Variants in ERBB4 observed in about 807,000 individuals in gnomAD.
ERBB4 encodes the protein receptor tyrosine-protein kinase erbB-4.
Under a neutral mutation model 158.0 loss-of-function variants are expected in ERBB4, and 42 were observed. The observed-to-expected ratio is 0.27, with a 90% confidence interval of 0.21 to 0.34. ERBB4 has a LOEUF of 0.34. ERBB4 is among the 10% of genes least tolerant of loss of function. ERBB4 has a pLI of 1.00. For synonymous variants in ERBB4, 583 were observed against 558.7 expected (o/e 1.04, Z -0.61); for missense variants, 1,333 against 1,624.1 (o/e 0.82, Z 3.08).
At position 211,725,142 on chromosome 2, in the gene ERBB4, G is replaced by A. The variant is rs375082554; in HGVS notation, c.675C>T (p.Tyr225=). 2.4e-5 allele frequency: 38 copies of A among 1,614,054 alleles called. No individual in the cohort carries two copies. Among genetic ancestry groups the A allele is most frequent in the African/African-American group, 1.9e-4 (14 of 75,004 alleles). ...EQCDGRCYGP[Y]VSDCCHRECA... ...ATTCTCGATGGCAGCAGTCACTGAC[G>A]TAAGGTCCGTAGCATCTGCCGTCAC... Residue 225 remains tyrosine, a synonymous_variant, in exon 6 of 28, where the codon TAC becomes TAT. Coordinates refer to ENST00000342788, the MANE Select transcript of ERBB4 (RefSeq NM_005235.3).
intron 2 of ERBB4, chr2:211,960,464 G>C (rs1412214342): frequency 6.6e-6 from 1 of 152,070 alleles, no homozygotes; most frequent in Non-Finnish European, 1.5e-5. Context: ...GTATGTAAAA[G>C]AAAATAAGCA....
At chr2:211,521,496 G>A (rs1259281181) in intron 20 of ERBB4, among the ~76,000 whole-genome samples, 1 of 152,164 alleles carries the variant, frequency 6.6e-6, no homozygotes, top group South Asian at 2.1e-4. Flanking sequence ...ACATAAAAGT[G>A]CATGTGAAGC....
intron 17 of ERBB4, among the ~76,000 whole-genome samples, chr2:211,629,269 C>T (rs1048486674): frequency 7.9e-5 from 12 of 151,980 alleles, no homozygotes; most frequent in African/African-American, 2.9e-4. Context: ...AACAGAGAGC[C>T]AAATCATGAG....
chr2:211,541,307 T>C (rs7592933), intron 20 of ERBB4, among the ~76,000 whole-genome samples: 103,349 of 151,750 alleles, frequency 0.68, 35,604 homozygotes, highest in East Asian at 0.83. Context: ...AAGAAGAAAT[T>C]GAGCTACTTT....
chr2:211,920,398 T>A (rs1484510177), intron 3 of ERBB4, among the ~76,000 whole-genome samples: 1 of 152,000 alleles, frequency 6.6e-6, no homozygotes, highest in East Asian at 1.9e-4. Context: ...ACATGATAGA[T>A]CTCAGAGGTG....
In ERBB4 at chr2:212,447,728, C is replaced by T. The variant is rs115876680; in HGVS notation, c.82+90721G>A. Among the ~76,000 whole-genome samples, 91 of 151,974 alleles carry T rather than the reference C, an allele frequency of 6.0e-4. 1 individual carries two copies. The highest frequency in any genetic ancestry group is 1.1e-3 in the Non-Finnish European group (73 of 67,942). On this transcript the variant is annotated intron_variant, in intron 1 of 27. Coordinates refer to ENST00000342788, the MANE Select transcript of ERBB4 (RefSeq NM_005235.3). ...GGCCAATATAAGTATAAAGCTAATT[C>T]TCTGTCACTTACATAGTACACTAAA...
At chr2:211,987,224 G>A (rs1270253211) in intron 2 of ERBB4, among the ~76,000 whole-genome samples, 1 of 150,622 alleles carries the variant, frequency 6.6e-6, no homozygotes, top group African/African-American at 2.4e-5. Context: ...GGGAGGCTGA[G>A]GCAGGAGAAT....
At chr2:212,405,448 C>T (rs1393033446) in intron 1 of ERBB4, among the ~76,000 whole-genome samples, 2 of 151,990 alleles carry the variant, frequency 1.3e-5, no homozygotes, top group Non-Finnish European at 2.9e-5. Context: ...GAACTAAAGG[C>T]AGAACTACCA....
intron 20 of ERBB4, among the ~76,000 whole-genome samples, chr2:211,443,810 G>A (rs1220664384): frequency 6.6e-6 from 1 of 151,952 alleles, no homozygotes; most frequent in Non-Finnish European, 1.5e-5. Context: ...ATCTCATAAG[G>A]TTGTTGTGAG....
chr2:211,839,276 C>T (rs982690929), intron 3 of ERBB4, among the ~76,000 whole-genome samples: 1 of 151,614 alleles, frequency 6.6e-6, no homozygotes, highest in African/African-American at 2.4e-5. Context: ...CTAATTGTCA[C>T]CCTTCACGCT....
chr2:211,639,566 C>T (rs753427556), intron 16 of ERBB4, among the ~76,000 whole-genome samples: 1 of 152,144 alleles, frequency 6.6e-6, no homozygotes, highest in South Asian at 2.1e-4. Flanking sequence ...ATTCTATGCA[C>T]TATAATTTCA....
In ERBB4 at chr2:211,695,944, TTTC is replaced by T. The variant is rs1441014718; in HGVS notation, c.1489+6020_1489+6022del. Among the ~76,000 whole-genome samples the T allele has an allele frequency of 2.7e-5, 4 of 149,498 alleles. No individual in the cohort carries two copies. The East Asian group carries it at 5.8e-4, about 22-fold the overall frequency. On this transcript the variant is annotated intron_variant, in intron 12 of 27. Transcript: ENST00000342788. ...TAGCTCGCTCTTGCTCTTTCTTTTC[TTTC>T]TTTTTATTTCTTCTTTCTTTTTATC...
At position 211,378,626 on chromosome 2, in the gene ERBB4, G is replaced by A. The variant is rs767200924; in HGVS notation, c.*4989C>T. Reference sequence around the variant, plus strand: ...AAAATTTTATTAATTCTACCCAGAAGTATAAAAACTGGCCCCATTGTAATA... The same window carrying A: ...AAAATTTTATTAATTCTACCCAGAAATATAAAAACTGGCCCCATTGTAATA... On this transcript the variant is annotated 3_prime_UTR_variant, in exon 28 of 28. Coordinates refer to ENST00000342788, the MANE Select transcript of ERBB4 (RefSeq NM_005235.3). The A allele has an allele frequency of 1.4e-4, 33 of 232,290 alleles. No homozygotes were observed. The highest frequency in any genetic ancestry group is 3.4e-4 in the Admixed American group (6 of 17,716). The allele number at this position is 232,290 out of a possible 1,614,324, so 14.4% of individuals were successfully genotyped here.
intron 19 of ERBB4, among the ~76,000 whole-genome samples, chr2:211,570,769 C>G (rs17413364): frequency 1.6e-4 from 24 of 151,994 alleles, no homozygotes; most frequent in African/African-American, 5.8e-4. Context: ...ATTTGTCAGT[C>G]CCCCTTTAGC....
chr2:212,091,571 T>C lies in ERBB4; in HGVS notation c.234+33181A>G, dbSNP rs577605561. ...GCATGACCCCTGAAGGGTGAGATAC[T>C]GTCTCAGGTTGAGAACTATTAGACT... On this transcript the variant is annotated intron_variant, in intron 2 of 27. Transcript: ENST00000342788. 2.0e-5 allele frequency among the ~76,000 whole-genome samples: 3 copies of C among 152,254 alleles called. No individual in the cohort carries two copies. In the East Asian group the frequency reaches 5.8e-4, roughly 29 times the overall value.
At chr2:212,211,653 G>A (rs1360747781) in intron 1 of ERBB4, among the ~76,000 whole-genome samples, 1 of 149,278 alleles carries the variant, frequency 6.7e-6, no homozygotes, top group African/African-American at 2.5e-5. Flanking sequence ...AGAATGTGCA[G>A]GTTTGTTACA....
chr2:211,717,005 A>G (rs1452706778), intron 7 of ERBB4, among the ~76,000 whole-genome samples: 1 of 152,166 alleles, frequency 6.6e-6, no homozygotes, highest in Non-Finnish European at 1.5e-5. Flanking sequence ...GAATCACTAT[A>G]AGGGCTATAG....
At chr2:211,438,118 C>T (rs941673730) in intron 20 of ERBB4, among the ~76,000 whole-genome samples, 2 of 152,152 alleles carry the variant, frequency 1.3e-5, no homozygotes, top group African/African-American at 4.8e-5. Flanking sequence ...AAGTTTTGGA[C>T]ATATTGTTAA....
chr2:211,920,859 T>C (rs1003774515), intron 3 of ERBB4, among the ~76,000 whole-genome samples: 11 of 151,958 alleles, frequency 7.2e-5, no homozygotes, highest in Non-Finnish European at 1.3e-4. Flanking sequence ...CATAGCCATA[T>C]CCCTTTGAAC....
Sources: gnomAD v4.1 joint callset for allele counts (sites outside exome capture counted in the v4.1 genomes callset) on GRCh38, gnomAD v4.1.1 for gene constraint, MANE v1.5 for transcripts, NCBI Gene and HGNC (gene_info 2026-07-23, HGNC 2026-07-21) for gene names.